CTIF: variants seen among roughly 807,000 people sequenced by gnomAD.
CTIF encodes the protein cap binding complex dependent translation initiation factor.
A neutral mutation model predicts 66.0 loss-of-function variants in CTIF; 21 were observed. The ratio of observed to expected loss-of-function variants is 0.32; its 90% CI spans 0.23 to 0.46. CTIF has a LOEUF of 0.46. Among genes scored for constraint, CTIF ranks in the 20% least tolerant of loss-of-function variants. The pLI, the probability that CTIF is intolerant of heterozygous loss-of-function variation, is 1.00. For missense variants in CTIF, 739 were observed against 812.7 expected, an observed-to-expected ratio of 0.91 and a Z score of 1.10; for synonymous variants, 345 against 326.4, an observed-to-expected ratio of 1.06 and a Z score of -0.62.
chr18:48,859,435 C>T lies in CTIF; in HGVS notation c.1673C>T (p.Ser558Leu), dbSNP rs1428809381. Residue 558 changes from serine (S) to leucine (L), a missense_variant, in exon 12 of 12, where the codon TCG (serine) becomes TTG (leucine). This residue lies in a region of CTIF where 210 missense variants were observed against 292.3 expected (regional missense o/e 0.72). Transcript: ENST00000256413. ...GCACGGGACAAGATGCTGTGCCCCT[C>T]GGAGTCCATGCTGACCCGGTCGCTG... ...ASARDKMLCP[S>L]ESMLTRSLLL... 20 of 1,614,056 alleles carry T rather than the reference C, an allele frequency of 1.2e-5. No homozygotes were observed. The highest frequency in any genetic ancestry group is 2.2e-5 in the East Asian group (1 of 44,888).
chr18:48,663,429 C>G (rs1251132094), intron 3 of CTIF, among the ~76,000 whole-genome samples: 1 of 152,136 alleles, frequency 6.6e-6, no homozygotes, highest in African/African-American at 2.4e-5. Flanking sequence ...CCTCAGCCAT[C>G]AGGCTGGCAG....
intron 6 of CTIF, among the ~76,000 whole-genome samples, chr18:48,673,363 C>T (rs531366746): frequency 6.6e-6 from 1 of 152,018 alleles, no homozygotes; most frequent in South Asian, 2.1e-4. Flanking sequence ...TTTCTCCCAC[C>T]ACTTCCCAGC....
At chr18:48,662,849 C>G (rs1342251101) in intron 3 of CTIF, among the ~76,000 whole-genome samples, 2 of 152,072 alleles carry the variant, frequency 1.3e-5, no homozygotes, top group Admixed American at 6.5e-5. Flanking sequence ...TTTGTGCTCA[C>G]TGCGGTGTGA....
chr18:48,640,257 A>C (rs1279414659), intron 3 of CTIF, among the ~76,000 whole-genome samples: 1 of 151,974 alleles, frequency 6.6e-6, no homozygotes, highest in Admixed American at 6.6e-5. Context: ...CCTCACACTG[A>C]CTCATGCTGT....
At chr18:48,580,395 G>A (rs1877413) in intron 1 of CTIF, among the ~76,000 whole-genome samples, 3 of 152,254 alleles carry the variant, frequency 2.0e-5, no homozygotes, top group Non-Finnish European at 2.9e-5. Context: ...TAGATACTGC[G>A]CATTAGAATT....
At chr18:48,725,333 C>T (rs1396714863) in intron 7 of CTIF, among the ~76,000 whole-genome samples, 1 of 152,150 alleles carries the variant, frequency 6.6e-6, no homozygotes, top group Non-Finnish European at 1.5e-5. Flanking sequence ...GAACAGTGAT[C>T]ATCAGGGCCT....
chr18:48,764,906 T>C (rs1466148614), intron 9 of CTIF, among the ~76,000 whole-genome samples: 1 of 152,216 alleles, frequency 6.6e-6, no homozygotes, highest in Non-Finnish European at 1.5e-5. Context: ...GCGGGTGGAC[T>C]GTGCTGGTGC....
rs980691577 is a variant in CTIF, at chr18:48,861,871, C to A, written c.*2312C>A. On this transcript the variant is annotated 3_prime_UTR_variant, in exon 12 of 12. Transcript: ENST00000256413. Reference sequence around the variant, plus strand: ...AAGAAGTGAAATATAAATATGTATACATATATAAATATATTTTTAATTACA... The same window carrying A: ...AAGAAGTGAAATATAAATATGTATAAATATATAAATATATTTTTAATTACA... The A allele has an allele frequency of 3.3e-5, 5 of 152,140 alleles. No individual in the cohort carries two copies. The highest frequency in any genetic ancestry group is 4.8e-5 in the African/African-American group (2 of 41,424). The allele number at this position is 152,140 out of a possible 1,614,324, so 9.4% of individuals were successfully genotyped here.
chr18:48,785,978 G>A (rs147547724), intron 9 of CTIF, among the ~76,000 whole-genome samples: 105 of 152,204 alleles, frequency 6.9e-4, no homozygotes, highest in African/African-American at 2.1e-3. Flanking sequence ...ACCCCGCCAG[G>A]GTTTATGAAT....
At chr18:48,601,784 G>A (rs1442935891) in intron 1 of CTIF, among the ~76,000 whole-genome samples, 1 of 152,224 alleles carries the variant, frequency 6.6e-6, no homozygotes, top group Non-Finnish European at 1.5e-5. Context: ...CAAGAAAATG[G>A]AAGACAAGCT....
chr18:48,711,585 A>G, intron 6 of CTIF, 34 bp from the exon 7 acceptor site: 1 of 1,569,234 alleles, frequency 6.4e-7, no homozygotes, highest in East Asian at 2.2e-5. Context: ...TTCAGGAGTT[A>G]CTAATGATCC....
At chr18:48,596,570 C>G (rs1283981538) in intron 1 of CTIF, among the ~76,000 whole-genome samples, 2 of 151,936 alleles carry the variant, frequency 1.3e-5, no homozygotes, top group African/African-American at 4.8e-5. Context: ...CTCTGCCTCC[C>G]GGGTTCAAAC....
chr18:48,681,239 TG>T (rs1314322268), intron 6 of CTIF, among the ~76,000 whole-genome samples: 1 of 152,184 alleles, frequency 6.6e-6, no homozygotes, highest in Non-Finnish European at 1.5e-5. Flanking sequence ...CCAGGGGGGC[TG>T]GGGGGTCAGG....
At chr18:48,741,525 G>T (rs772944379) in intron 7 of CTIF, among the ~76,000 whole-genome samples, 3 of 148,484 alleles carry the variant, frequency 2.0e-5, no homozygotes, top group Non-Finnish European at 3.0e-5. Flanking sequence ...CCAGGTTCAA[G>T]TATTCTTCTG....
intron 3 of CTIF, among the ~76,000 whole-genome samples, chr18:48,646,109 A>G (rs999973807): frequency 6.6e-6 from 1 of 152,214 alleles, no homozygotes; most frequent in Non-Finnish European, 1.5e-5. Context: ...GAAGGACCCT[A>G]TTAAGAGGAT....
intron 1 of CTIF, among the ~76,000 whole-genome samples, chr18:48,575,339 C>T (rs1024031175): frequency 6.6e-6 from 1 of 152,240 alleles, no homozygotes; most frequent in Non-Finnish European, 1.5e-5. Flanking sequence ...ACCAGAACTC[C>T]ATCTTCAACC....
chr18:48,776,113 C>T (rs1321565730), intron 9 of CTIF, among the ~76,000 whole-genome samples: 1 of 152,248 alleles, frequency 6.6e-6, no homozygotes, highest in African/African-American at 2.4e-5. Context: ...TCCAGGGCCT[C>T]TGAACCCTGG....
intron 6 of CTIF, among the ~76,000 whole-genome samples, chr18:48,701,790 G>A (rs1222623708): frequency 2.0e-5 from 3 of 152,130 alleles, no homozygotes; most frequent in Non-Finnish European, 4.4e-5. Flanking sequence ...ACATTGCCTG[G>A]TAGATTCCTC....
Position 48,615,379 on chromosome 18 carries a change from G to A in CTIF, c.-28-4159G>A, listed in dbSNP as rs1431081783. On this transcript the variant is annotated intron_variant, in intron 1 of 11. Transcript: ENST00000256413. ...AGCTTGGGGCTTTTCTGCTTTGCATGTTCCCCGCTTTTCTGAAGCTGGGGC... is the reference window on the plus strand; with the variant it reads ...AGCTTGGGGCTTTTCTGCTTTGCATATTCCCCGCTTTTCTGAAGCTGGGGC... Among the ~76,000 whole-genome samples the A allele has an allele frequency of 2.0e-5, 3 of 152,188 alleles. No homozygotes were observed. In the East Asian group the frequency reaches 5.8e-4, roughly 29 times the overall value.
Sources: gnomAD v4.1 joint callset for allele counts (sites outside exome capture counted in the v4.1 genomes callset) on GRCh38, gnomAD v4.1.1 for gene constraint, gnomAD v4.1.1 regional missense constraint, MANE v1.5 for transcripts, NCBI Gene and HGNC (gene_info 2026-07-23, HGNC 2026-07-21) for gene names.